The following RAPGEF1 variants were observed in gnomAD, a reference collection of about 807,000 sequenced individuals.
RAPGEF1 encodes the protein CRK SH3-binding GNRP.
RAPGEF1 carries 33 observed loss-of-function variants against 143.3 expected under a neutral mutation model. That is an observed-to-expected ratio of 0.23 (90% CI 0.17 to 0.31). RAPGEF1 has a LOEUF of 0.31. Ranked by LOEUF, RAPGEF1 falls within the 10% of genes least tolerant of loss-of-function variation. The pLI is 1.00. For synonymous variants in RAPGEF1, 629 were observed against 676.5 expected (o/e 0.93, Z 1.09); for missense variants, 1,199 against 1,645.4 (o/e 0.73, Z 4.69).
intron 14 of RAPGEF1, 72 bp downstream of exon 14, chr9:131,603,889 C>A (rs551485436): frequency 3.2e-6 from 3 of 931,416 alleles, no homozygotes; most frequent in East Asian, 1.3e-4. Flanking sequence ...GCGGGGGAAG[C>A]GGCCTCGGGA....
At chr9:131,616,330 GCAGATGTTCTTTGGTT>G (rs1239035069) in intron 12 of RAPGEF1, among the ~76,000 whole-genome samples, 1 of 152,126 alleles carries the variant, frequency 6.6e-6, no homozygotes, top group Non-Finnish European at 1.5e-5. Flanking sequence ...TAATATGTGT[GCAGATGTTCTTTGGTT>G]CTGCGCAGGC....
At chr9:131,647,400 G>A (rs969578457) in intron 3 of RAPGEF1, among the ~76,000 whole-genome samples, 3 of 152,188 alleles carry the variant, frequency 2.0e-5, no homozygotes, top group East Asian at 1.9e-4. Flanking sequence ...GACAGGGCTG[G>A]GGCGAGAAGG....
chr9:131,614,658 A>G (rs954170561), intron 12 of RAPGEF1, among the ~76,000 whole-genome samples: 2 of 152,234 alleles, frequency 1.3e-5, no homozygotes, highest in African/African-American at 4.8e-5. Flanking sequence ...ATGGGGACTG[A>G]GCGTCTGCAT....
chr9:131,736,425 A>C (rs1187262294), intron 1 of RAPGEF1, among the ~76,000 whole-genome samples: 1 of 152,134 alleles, frequency 6.6e-6, no homozygotes, highest in Non-Finnish European at 1.5e-5. Flanking sequence ...GACTGTCTTG[A>C]TTCCCCATGG....
chr9:131,689,564 A>C (rs575498109), intron 1 of RAPGEF1, among the ~76,000 whole-genome samples: 10 of 150,414 alleles, frequency 6.6e-5, no homozygotes, highest in Admixed American at 6.6e-4. Context: ...CCAGAGACGG[A>C]GTCTTGCTCT....
intron 10 of RAPGEF1, among the ~76,000 whole-genome samples, chr9:131,624,306 C>T (rs1363031006): frequency 6.6e-6 from 1 of 152,216 alleles, no homozygotes; most frequent in African/African-American, 2.4e-5. Context: ...GAAGCTTTAG[C>T]TCAGGGCACA....
rs1482012389 is a variant in RAPGEF1, at chr9:131,650,731, G to A, written c.201+79C>T. 2.6e-6 allele frequency: 4 copies of A among 1,551,402 alleles called. No homozygotes were observed. In the African/African-American group the frequency reaches 5.5e-5, roughly 21 times the overall value. ...TGATGCACTGAAAGCTCAATCCCCA[G>A]GGAGGGAACATACAAATCGCACAAA... On this transcript the variant is annotated intron_variant, in intron 2 of 26. Transcript: ENST00000683357. The surrounding 1 kb of genome is among the most constrained non-coding windows in gnomAD (Gnocchi z 4.7).
intron 1 of RAPGEF1, among the ~76,000 whole-genome samples, chr9:131,720,418 C>G (rs572740185): frequency 6.6e-6 from 1 of 152,268 alleles, no homozygotes; most frequent in South Asian, 2.1e-4. Context: ...AAGATACCCC[C>G]CACCTCTACC....
Position 131,584,970 on chromosome 9 carries a change from G to A in RAPGEF1, c.3234-374C>T, listed in dbSNP as rs1021066399. Among the ~76,000 whole-genome samples, 6 of 152,174 alleles carry A rather than the reference G, an allele frequency of 3.9e-5. No homozygotes were observed. Among genetic ancestry groups the A allele is most frequent in the Non-Finnish European group, 7.4e-5 (5 of 68,024 alleles). Reference sequence around the variant, plus strand: ...TCCTTGTGTGATGCAGGACTGGCTCGGGGAGACCCGCTAGCACGTGAGGTA... The same window carrying A: ...TCCTTGTGTGATGCAGGACTGGCTCAGGGAGACCCGCTAGCACGTGAGGTA... On this transcript the variant is annotated intron_variant, in intron 22 of 26. Coordinates refer to ENST00000683357, the MANE Select transcript of RAPGEF1 (RefSeq NM_001377935.1). This position sits in a 1 kb window ranked among gnomAD's most constrained non-coding sequence, Gnocchi z 6.8.
intron 1 of RAPGEF1, among the ~76,000 whole-genome samples, chr9:131,652,236 T>TA (rs1971246416): frequency 1.4e-5 from 2 of 141,494 alleles, no homozygotes; most frequent in Non-Finnish European, 3.3e-5. Flanking sequence ...AACTTTTAAT[T>TA]TAAAAAAAAC....
intron 1 of RAPGEF1, among the ~76,000 whole-genome samples, chr9:131,657,490 T>A (rs1972796389): frequency 6.6e-6 from 1 of 152,248 alleles, no homozygotes; most frequent in Non-Finnish European, 1.5e-5. Flanking sequence ...AAAGATTTCA[T>A]ACAAATATAT....
intron 1 of RAPGEF1, among the ~76,000 whole-genome samples, chr9:131,653,565 A>G (rs1384219529): frequency 6.6e-6 from 1 of 152,254 alleles, no homozygotes; most frequent in Non-Finnish European, 1.5e-5. Context: ...GACGGTCAAC[A>G]TAATTAGCCA....
At position 131,728,372 on chromosome 9, in the gene RAPGEF1, C is replaced by T. The variant is rs540367519; in HGVS notation, c.61+11398G>A. On this transcript the variant is annotated intron_variant, in intron 1 of 26. Coordinates refer to ENST00000683357, the MANE Select transcript of RAPGEF1 (RefSeq NM_001377935.1). ...TTTAATTAATCCCCGAAAGTCACCCCGCAAGGAGAAACTGGGGAGGTGTCC... is the reference window on the plus strand; with the variant it reads ...TTTAATTAATCCCCGAAAGTCACCCTGCAAGGAGAAACTGGGGAGGTGTCC... Among the ~76,000 whole-genome samples the T allele has an allele frequency of 9.2e-5, 14 of 152,300 alleles. No homozygotes were observed. The South Asian group carries it at 1.0e-3, about 11-fold the overall frequency.
chr9:131,659,959 C>T (rs1000236830), intron 1 of RAPGEF1, among the ~76,000 whole-genome samples: 1 of 152,148 alleles, frequency 6.6e-6, no homozygotes, highest in Admixed American at 6.5e-5. Context: ...GCTGGAACTA[C>T]AGGCGCCCGC....
At chr9:131,669,588 C>T (rs7030497) in intron 1 of RAPGEF1, among the ~76,000 whole-genome samples, 14,528 of 152,150 alleles carry the variant, frequency 0.095, 1,049 homozygotes, top group African/African-American at 0.19. Flanking sequence ...CTCCTTCCTC[C>T]GAACTGGAGG....
chr9:131,699,954 G>A (rs1369169684), intron 1 of RAPGEF1, among the ~76,000 whole-genome samples: 1 of 152,024 alleles, frequency 6.6e-6, no homozygotes, highest in Non-Finnish European at 1.5e-5. Flanking sequence ...AGATTTTAAT[G>A]GCCTAATGGC....
chr9:131,604,361 TG>T (rs1472469778), intron 13 of RAPGEF1, among the ~76,000 whole-genome samples: 4 of 152,124 alleles, frequency 2.6e-5, no homozygotes, highest in Non-Finnish European at 4.4e-5. Flanking sequence ...TCCCACATAC[TG>T]GGGAGTGGGG....
chr9:131,638,792 C>CTACA lies in RAPGEF1; in HGVS notation c.495-5_495-2dup, dbSNP rs1246560133. On this transcript the variant is annotated splice_acceptor_variant, in intron 4 of 26. Coordinates refer to ENST00000683357, the MANE Select transcript of RAPGEF1 (RefSeq NM_001377935.1). LOFTEE classifies it high-confidence loss of function. ...GCTATAGCAGGAAGAGAGGGCTGAGCTACAGGGAAGAGAAGAATGGAAAAA... is the reference window on the plus strand; with the variant it reads ...GCTATAGCAGGAAGAGAGGGCTGAGCTACATACAGGGAAGAGAAGAATGGAAAAA... The CTACA allele has an allele frequency of 6.2e-7, 1 of 1,613,418 alleles. No homozygotes were observed. Among genetic ancestry groups the CTACA allele is most frequent in the African/African-American group, 1.3e-5 (1 of 74,844 alleles).
intron 11 of RAPGEF1, among the ~76,000 whole-genome samples, chr9:131,620,838 A>G (rs1440739432): frequency 6.6e-6 from 1 of 152,208 alleles, no homozygotes; most frequent in Non-Finnish European, 1.5e-5. Flanking sequence ...TGCCTCCCAG[A>G]AGAATCAGAT....
Sources: allele counts gnomAD v4.1 joint callset (sites outside exome capture counted in the v4.1 genomes callset), GRCh38; gene constraint gnomAD v4.1.1; non-coding constraint Gnocchi (gnomAD v3.1); transcripts MANE v1.5; gene names NCBI Gene and HGNC (gene_info 2026-07-23, HGNC 2026-07-21).